Variants in FHL5 observed in about 807,000 individuals in gnomAD.
FHL5 encodes four and a half LIM domains 5, also known as four and a half LIM domains protein 5.
Under a neutral mutation model 32.0 loss-of-function variants are expected in FHL5, and 33 were observed. The ratio of observed to expected loss-of-function variants is 1.03; its 90% CI spans 0.78 to 1.38. The LOEUF is 1.38. FHL5 is among the 40% of genes most tolerant of loss of function. FHL5 has a pLI of 0.00. For missense variants in FHL5, 336 were observed against 343.9 expected, an observed-to-expected ratio of 0.98 and a Z score of 0.18; for synonymous variants, 114 against 113.6, an observed-to-expected ratio of 1.00 and a Z score of -0.02.
At chr6:96,599,452 C>T (rs971199031) in intron 1 of FHL5, among the ~76,000 whole-genome samples, 2 of 152,086 alleles carry the variant, frequency 1.3e-5, no homozygotes, top group Non-Finnish European at 2.9e-5. Flanking sequence ...ACCTTGGCCT[C>T]CCAAAGTGCT....
rs763773493 is a variant in FHL5, at chr6:96,606,064, G to C, written c.497G>C (p.Cys166Ser). 4 of 1,613,038 alleles carry C rather than the reference G, an allele frequency of 2.5e-6. No individual in the cohort carries two copies. Among genetic ancestry groups the C allele is most frequent in the Middle Eastern group, 1.6e-4 (1 of 6,080 alleles). Residue 166 changes from cysteine to serine, a missense_variant, in exon 4 of 6, where the codon TGT becomes TCT. Physicochemically the swap from Cys to Ser is moderately radical, Grantham distance 112. Transcript: ENST00000450218. ...GAGTTTGCTCACTACTGCAACTTTT[G>C]TAAGAAGGTAATTTTCTAAAGAGGG... ...EKEFAHYCNFCKKVITSGGIT... is the reference protein window; with the variant it reads ...EKEFAHYCNFSKKVITSGGIT...
chr6:96,593,470 G>C (rs560991829), intron 1 of FHL5, among the ~76,000 whole-genome samples: 1 of 152,134 alleles, frequency 6.6e-6, no homozygotes, highest in East Asian at 1.9e-4. Flanking sequence ...GAATTCCAAG[G>C]TTATCTTAAT....
At chr6:96,584,458 TG>T (rs1770757310) in intron 1 of FHL5, among the ~76,000 whole-genome samples, 7 of 141,266 alleles carry the variant, frequency 5.0e-5, no homozygotes, top group East Asian at 4.0e-4. Context: ...TGTGTGTGTG[TG>T]TTTGTGTGTG....
chr6:96,575,854 T>C (rs1375620117), intron 1 of FHL5, among the ~76,000 whole-genome samples: 1 of 152,236 alleles, frequency 6.6e-6, no homozygotes, highest in African/African-American at 2.4e-5. Context: ...ACCTTTTCAG[T>C]ATGGTGTTTA....
chr6:96,580,879 A>G (rs1439621245), intron 1 of FHL5, among the ~76,000 whole-genome samples: 1 of 152,176 alleles, frequency 6.6e-6, no homozygotes, highest in African/African-American at 2.4e-5. Flanking sequence ...ATATATAACC[A>G]CATCTATCAT....
At position 96,615,752 on chromosome 6, in the gene FHL5, G is replaced by A. The variant is rs1389195966; in HGVS notation, c.835G>A (p.Gly279Arg). 24 of 1,609,638 alleles carry A rather than the reference G, an allele frequency of 1.5e-5. No homozygotes were observed. The highest frequency in any genetic ancestry group is 2.2e-5 in the East Asian group (1 of 44,636). Residue 279 changes from glycine (G) to arginine (R), a missense_variant, in exon 6 of 6, where the codon GGA (glycine) becomes AGA (arginine). Transcript: ENST00000450218. ...KEIFCQKCGS[G>R]MDTDI ...AATCTTCTGCCAAAAATGTGGCTCC[G>A]GAATGGACACTGACATCTAGGAGAC...
At chr6:96,567,825 C>CTTTTTTTTTTTTTTTTT (rs757441385) in intron 1 of FHL5, among the ~76,000 whole-genome samples, 4 of 110,518 alleles carry the variant, frequency 3.6e-5, no homozygotes, top group Admixed American at 9.4e-5. Flanking sequence ...TTTTTGTATT[C>CTTTTTTTTTTTTTTTTT]TTTTTTTTTT....
chr6:96,595,038 G>A (rs1008437536), intron 1 of FHL5, among the ~76,000 whole-genome samples: 4 of 151,778 alleles, frequency 2.6e-5, no homozygotes, highest in African/African-American at 9.7e-5. Flanking sequence ...CTGCATGTTA[G>A]TCGAGGTCTT....
At chr6:96,574,434 C>T (rs1770544500) in intron 1 of FHL5, among the ~76,000 whole-genome samples, 1 of 152,194 alleles carries the variant, frequency 6.6e-6, no homozygotes, top group Admixed American at 6.5e-5. Flanking sequence ...ATGAGTGTGG[C>T]TGTGTTCCAA....
rs571965259 is a variant in FHL5, at chr6:96,596,018, GA to G, written c.-12-7583del. Among the ~76,000 whole-genome samples the G allele has an allele frequency of 4.7e-3, 711 of 151,926 alleles. 3 individuals are homozygous for G. Among genetic ancestry groups the G allele is most frequent in the African/African-American group, 0.016 (676 of 41,494 alleles). ...ATGCTCAATGAAAATTTATATGTAT[GA>G]TTTTTTTTAGGCCTAGGATGATGGG... is the stretch of plus-strand genomic sequence containing the variant. On this transcript the variant is annotated intron_variant, in intron 1 of 5. Coordinates refer to ENST00000450218, the MANE Select transcript of FHL5 (RefSeq NM_001322466.2).
chr6:96,593,751 C>T (rs534158692), intron 1 of FHL5, among the ~76,000 whole-genome samples: 2 of 152,196 alleles, frequency 1.3e-5, no homozygotes, highest in Admixed American at 6.6e-5. Context: ...AAATACCAAG[C>T]TCATCTACGC....
At chr6:96,565,600 C>T (rs1173568995) in intron 1 of FHL5, among the ~76,000 whole-genome samples, 2 of 152,040 alleles carry the variant, frequency 1.3e-5, no homozygotes, top group Non-Finnish European at 2.9e-5. Flanking sequence ...CCAAATGGAT[C>T]CTGAGTAGAT....
chr6:96,605,193 A>C (rs528954788), intron 3 of FHL5, among the ~76,000 whole-genome samples: 2 of 152,356 alleles, frequency 1.3e-5, no homozygotes, highest in Admixed American at 1.3e-4. Context: ...AAATAAAGAC[A>C]AAATGTATAC....
intron 1 of FHL5, among the ~76,000 whole-genome samples, chr6:96,581,833 T>G (rs1770702398): frequency 6.6e-6 from 1 of 152,140 alleles, no homozygotes; most frequent in Admixed American, 6.5e-5. Flanking sequence ...ATAGAATACT[T>G]GTTGAATTTT....
At position 96,601,157 on chromosome 6, in the gene FHL5, A is replaced by T. The variant is rs150332075; in HGVS notation, c.-12-2445A>T. 5.6e-3 allele frequency among the ~76,000 whole-genome samples: 845 copies of T among 152,050 alleles called. 6 individuals are homozygous for T. Among genetic ancestry groups the T allele is most frequent in the African/African-American group, 0.019 (806 of 41,450 alleles). ...GAGACCATCCTGGCCAACACGGTAA[A>T]ATCCCATATCTACTAAAAATACAAA... On this transcript the variant is annotated intron_variant, in intron 1 of 5. Coordinates refer to ENST00000450218, the MANE Select transcript of FHL5 (RefSeq NM_001322466.2).
At chr6:96,587,088 A>G (rs1001230654) in intron 1 of FHL5, among the ~76,000 whole-genome samples, 6 of 152,192 alleles carry the variant, frequency 3.9e-5, no homozygotes. Flanking sequence ...TGCTCAGGGC[A>G]TTTTGCTTGT....
chr6:96,567,675 T>G (rs1387342973), intron 1 of FHL5, among the ~76,000 whole-genome samples: 1 of 151,840 alleles, frequency 6.6e-6, no homozygotes, highest in Non-Finnish European at 1.5e-5. Flanking sequence ...ATCAGTGTTT[T>G]GCAGTTTTTA....
At chr6:96,609,826 T>C (rs1013895976) in intron 4 of FHL5, among the ~76,000 whole-genome samples, 7 of 152,206 alleles carry the variant, frequency 4.6e-5, no homozygotes, top group African/African-American at 1.7e-4. Flanking sequence ...TAGCTCACTA[T>C]GGCCATGGCA....
chr6:96,566,544 T>C (rs1023234156), intron 1 of FHL5, among the ~76,000 whole-genome samples: 1 of 151,998 alleles, frequency 6.6e-6, no homozygotes, highest in Non-Finnish European at 1.5e-5. Flanking sequence ...GATCATACGG[T>C]AGTTCTATTT....
Sources: gnomAD v4.1 joint callset for allele counts (sites outside exome capture counted in the v4.1 genomes callset) on GRCh38, gnomAD v4.1.1 for gene constraint, MANE v1.5 for transcripts, NCBI Gene and HGNC (gene_info 2026-07-23, HGNC 2026-07-21) for gene names.